The following SCAF8 variants were observed in gnomAD, a reference collection of about 807,000 sequenced individuals.
SCAF8 encodes SR-related and CTD-associated factor 8.
Under a neutral mutation model 140.5 loss-of-function variants are expected in SCAF8, and 23 were observed. The ratio of observed to expected loss-of-function variants is 0.16; its 90% confidence interval spans 0.12 to 0.23. SCAF8 has a LOEUF of 0.23. Ranked by LOEUF, SCAF8 falls within the 10% of genes least tolerant of loss-of-function variation. SCAF8 has a pLI of 1.00. For missense variants in SCAF8, 1,397 were observed against 1,555.7 expected (o/e 0.90, Z 1.72); for synonymous variants, 575 against 528.9 (o/e 1.09, Z -1.20).
intron 6 of SCAF8, among the ~76,000 whole-genome samples, chr6:154,797,398 A>C (rs1456609708): frequency 6.8e-6 from 1 of 148,056 alleles, no homozygotes; most frequent in African/African-American, 2.5e-5. Flanking sequence ...TTTATCAGTG[A>C]TTTTTTTTTT....
At chr6:154,756,377 T>C (rs1304805843) in intron 1 of SCAF8, among the ~76,000 whole-genome samples, 5 of 152,230 alleles carry the variant, frequency 3.3e-5, no homozygotes, top group African/African-American at 4.8e-5. Flanking sequence ...TATAATGATA[T>C]GTATATCACT....
chr6:154,792,047 T>A (rs1438643991), intron 4 of SCAF8, among the ~76,000 whole-genome samples: 1 of 152,050 alleles, frequency 6.6e-6, no homozygotes, highest in African/African-American at 2.4e-5. Context: ...AGGATTCAAA[T>A]TTTAGGAAAT....
chr6:154,753,717 C>T (rs570466275), intron 1 of SCAF8, among the ~76,000 whole-genome samples: 50 of 152,176 alleles, frequency 3.3e-4, no homozygotes, highest in African/African-American at 9.6e-4. Flanking sequence ...ATGTAGAATA[C>T]GCTGGAAGGT....
Position 154,832,055 on chromosome 6 carries a change from A to G in SCAF8, c.2476A>G (p.Ile826Val), listed in dbSNP as rs780550286. 2 of 1,614,128 alleles carry G rather than the reference A, an allele frequency of 1.2e-6. No homozygotes were observed. The highest frequency in any genetic ancestry group is 1.7e-6 in the Non-Finnish European group (2 of 1,179,994). ...ACCAAATGTATCAAGTAATTCTGAAATTCTTGGGGTCCGGCCATCTAATGT... is the reference window on the plus strand; with the variant it reads ...ACCAAATGTATCAAGTAATTCTGAAGTTCTTGGGGTCCGGCCATCTAATGT... ...QRPNVSSNSE[I>V]LGVRPSNVSS... The change falls in exon 20 of 20, where the codon ATT becomes GTT. Residue 826 changes from isoleucine to valine, a missense_variant. By Grantham distance (29) the Ile-to-Val change is conservative. This residue lies in a region of SCAF8 where 930 missense variants were observed against 874.6 expected (regional missense o/e 1.06). Transcript: ENST00000367178.
At chr6:154,820,734 T>C (rs1002776085) in intron 15 of SCAF8, among the ~76,000 whole-genome samples, 1 of 152,176 alleles carries the variant, frequency 6.6e-6, no homozygotes, top group Non-Finnish European at 1.5e-5. Flanking sequence ...AATAGAATCG[T>C]AGTTTAGGGA....
intron 1 of SCAF8, among the ~76,000 whole-genome samples, chr6:154,741,152 A>G (rs1778558210): frequency 1.3e-5 from 2 of 152,202 alleles, no homozygotes; most frequent in Non-Finnish European, 2.9e-5. Flanking sequence ...AATGACATAT[A>G]GAAGTTTTTT....
At chr6:154,762,912 C>T (rs1776447715) in intron 1 of SCAF8, among the ~76,000 whole-genome samples, 1 of 152,056 alleles carries the variant, frequency 6.6e-6, no homozygotes, top group African/African-American at 2.4e-5. Flanking sequence ...CAGTTTTAGA[C>T]ATTATTTATT....
At chr6:154,737,666 C>T (rs1185800719) in intron 1 of SCAF8, among the ~76,000 whole-genome samples, 1 of 152,180 alleles carries the variant, frequency 6.6e-6, no homozygotes, top group East Asian at 1.9e-4. Context: ...TGCACCACTA[C>T]ACTCTGGCCC....
chr6:154,733,659 CCT>C lies in SCAF8; in HGVS notation c.-239_-238del. 3 of 1,299,066 alleles carry C rather than the reference CCT, an allele frequency of 2.3e-6. No individual in the cohort carries two copies. Among genetic ancestry groups the C allele is most frequent in the Non-Finnish European group, 2.9e-6 (3 of 1,027,120 alleles). 80.5% of individuals were successfully genotyped at this position (1,299,066 alleles called of 1,614,324 possible). A position where few individuals can be genotyped will look rare whatever the true frequency, so the allele number is the denominator to read the frequency against. On this transcript the variant is annotated 5_prime_UTR_variant, in exon 1 of 20. Transcript: ENST00000367178. ...CCGCCGCCGACCCGCCCCGGCAGCGCCTCTGTTCCCTAGAACGGCGCTCCCCC... is the reference window on the plus strand; with the variant it reads ...CCGCCGCCGACCCGCCCCGGCAGCGCCTGTTCCCTAGAACGGCGCTCCCCC...
intron 1 of SCAF8, among the ~76,000 whole-genome samples, chr6:154,766,102 G>C (rs1776557646): frequency 6.6e-6 from 1 of 152,008 alleles, no homozygotes; most frequent in South Asian, 2.1e-4. Flanking sequence ...AAAATTATCA[G>C]GAAGAGAAAG....
intron 2 of SCAF8, among the ~76,000 whole-genome samples, chr6:154,775,046 C>T (rs1488094527): frequency 6.6e-6 from 1 of 152,150 alleles, no homozygotes; most frequent in East Asian, 1.9e-4. Context: ...TAACCAAAAG[C>T]ACCAACTATT....
chr6:154,804,224 G>A (rs927387188), intron 8 of SCAF8, among the ~76,000 whole-genome samples: 11 of 152,070 alleles, frequency 7.2e-5, no homozygotes, highest in African/African-American at 1.2e-4. Context: ...AAGTCTGTGG[G>A]TCTCTTGTTT....
At chr6:154,830,881 A>G in intron 18 of SCAF8, 41 bp from the exon 19 acceptor site, 1 of 1,474,606 alleles carries the variant, frequency 6.8e-7, no homozygotes, top group Non-Finnish European at 9.5e-7. Context: ...ACATGAATTG[A>G]CTCATTAAAT....
At chr6:154,759,797 C>G (rs1327582680) in intron 1 of SCAF8, among the ~76,000 whole-genome samples, 5 of 151,914 alleles carry the variant, frequency 3.3e-5, no homozygotes, top group African/African-American at 1.2e-4. Context: ...TCCCGAATAG[C>G]TGGGACTACA....
In SCAF8 at chr6:154,803,598, A is replaced by G. The variant is rs1562454422; in HGVS notation, c.838A>G (p.Lys280Glu). The G allele has an allele frequency of 6.2e-7, 1 of 1,611,244 alleles. No homozygotes were observed. The highest frequency in any genetic ancestry group is 1.3e-5 in the African/African-American group (1 of 74,988). ...AGACTCTGAGCATAGTGAAGAACCC[A>G]AAAAGGAAATTCCAGCTTCACAACT... ...GEDSEHSEEP[K>E]KEIPASQLSH... The change falls in exon 8 of 20, where the codon AAA (lysine) becomes GAA (glutamate). Residue 280 changes from lysine to glutamate, a missense_variant. Physicochemically the swap from Lys to Glu is moderately conservative, Grantham distance 56. Coordinates refer to ENST00000367178, the MANE Select transcript of SCAF8 (RefSeq NM_014892.5).
At chr6:154,778,763 CAA>C (rs1360834866) in intron 3 of SCAF8, among the ~76,000 whole-genome samples, 3 of 132,338 alleles carry the variant, frequency 2.3e-5, no homozygotes, top group African/African-American at 9.1e-5. Context: ...GACCCTGTCT[CAA>C]AAAATGTGTG....
chr6:154,748,497 A>C (rs1001869066), intron 1 of SCAF8, among the ~76,000 whole-genome samples: 5 of 152,188 alleles, frequency 3.3e-5, no homozygotes, highest in African/African-American at 1.2e-4. Context: ...ACCTTTGAAT[A>C]AAAATTGTCG....
rs1443716971 is a variant in SCAF8 at position 154,832,666 on chromosome 6, A to G, written c.3087A>G (p.Arg1029=). The G allele has an allele frequency of 6.2e-7, 1 of 1,613,718 alleles. No individual in the cohort carries two copies. Among genetic ancestry groups the G allele is most frequent in the East Asian group, 2.2e-5 (1 of 44,866 alleles). ...TAGAAACCAGGGAAAGCATTAGTAG[A>G]CCTCCCCCTGTGGATGTTAGAGATG... ...PPIETRESIS[R]PPPVDVRDVV... The change falls in exon 20 of 20, where the codon AGA becomes AGG. Residue 1029 remains arginine, a synonymous_variant. Transcript: ENST00000367178.
At chr6:154,782,534 T>C (rs1246676869) in intron 3 of SCAF8, among the ~76,000 whole-genome samples, 1 of 152,166 alleles carries the variant, frequency 6.6e-6, no homozygotes, top group Non-Finnish European at 1.5e-5. Flanking sequence ...GTTATGATCC[T>C]GTGTCAGGGT....
Sources: allele counts gnomAD v4.1 joint callset (sites outside exome capture counted in the v4.1 genomes callset), GRCh38; gene constraint gnomAD v4.1.1; regional missense constraint gnomAD v4.1.1; transcripts MANE v1.5; gene names NCBI Gene and HGNC (gene_info 2026-07-23, HGNC 2026-07-21).